The following CD247 variants were observed in gnomAD, a reference collection of about 807,000 sequenced individuals.
CD247 encodes the protein CD247 molecule.
CD247 carries 13 observed loss-of-function variants against 30.0 expected under a neutral mutation model. The ratio of observed to expected loss-of-function variants is 0.43; its 90% CI spans 0.28 to 0.69. The LOEUF (loss-of-function observed/expected upper bound fraction) is 0.69, where lower values mean the gene tolerates loss of function less well. CD247 is among the 30% of genes least tolerant of loss of function. The pLI, the probability that CD247 is intolerant of heterozygous loss-of-function variation, is 0.16. For synonymous variants in CD247, 72 were observed against 80.0 expected (o/e 0.90, Z 0.53); for missense variants, 193 against 212.6 (o/e 0.91, Z 0.57).
intron 1 of CD247, among the ~76,000 whole-genome samples, chr1:167,498,147 T>C (rs1654772050): frequency 6.6e-6 from 1 of 152,212 alleles, no homozygotes; most frequent in African/African-American, 2.4e-5. Context: ...GTGGCTTCTG[T>C]TGCTGCTCCC....
At chr1:167,492,636 C>T (rs704848) in intron 1 of CD247, among the ~76,000 whole-genome samples, 1 of 151,976 alleles carries the variant, frequency 6.6e-6, no homozygotes, top group African/African-American at 2.4e-5. Context: ...CCCAAGCCCC[C>T]ATTAGCCCCA....
chr1:167,440,389 C>T (rs894331916), intron 2 of CD247: 7 of 509,016 alleles, frequency 1.4e-5, no homozygotes, highest in African/African-American at 1.4e-4. Context: ...AGTAGCATCG[C>T]CTTCCCTGGG....
At chr1:167,457,572 A>G (rs1209589944) in intron 1 of CD247, 1 of 152,284 alleles carries the variant, frequency 6.6e-6, no homozygotes, top group Non-Finnish European at 1.5e-5. Context: ...TTGTCTGTCC[A>G]TCTGTTCATG....
intron 1 of CD247, among the ~76,000 whole-genome samples, chr1:167,481,398 T>C (rs1247606986): frequency 2.0e-5 from 3 of 152,204 alleles, no homozygotes; most frequent in Admixed American, 6.5e-5. Flanking sequence ...GTCAAACTTA[T>C]ACCTATATTA....
At chr1:167,514,271 G>A (rs1655508393) in intron 1 of CD247, among the ~76,000 whole-genome samples, 1 of 152,082 alleles carries the variant, frequency 6.6e-6, no homozygotes, top group African/African-American at 2.4e-5. Context: ...CAAGTAGTTG[G>A]GACTACAGGC....
intron 1 of CD247, among the ~76,000 whole-genome samples, chr1:167,492,687 T>C (rs762825200): frequency 6.6e-6 from 1 of 152,148 alleles, no homozygotes; most frequent in Non-Finnish European, 1.5e-5. Flanking sequence ...CTTCTTGAAC[T>C]GACAGTTCAC....
intron 1 of CD247, among the ~76,000 whole-genome samples, chr1:167,463,958 G>A (rs16859072): frequency 0.042 from 6,343 of 152,164 alleles, 233 homozygotes; most frequent in African/African-American, 0.093. Flanking sequence ...CACAGCCCTG[G>A]AAATGGCCTT....
intron 1 of CD247, among the ~76,000 whole-genome samples, chr1:167,506,444 C>A (rs1350148688): frequency 6.6e-6 from 1 of 151,604 alleles, no homozygotes; most frequent in African/African-American, 2.4e-5. Context: ...GCCTCCCAGG[C>A]TCAAGCATTT....
At chr1:167,482,885 G>A (rs1287911726) in intron 1 of CD247, among the ~76,000 whole-genome samples, 1 of 152,030 alleles carries the variant, frequency 6.6e-6, no homozygotes, top group Admixed American at 6.5e-5. Flanking sequence ...ATGTGGGGAG[G>A]GGGAAGGTCT....
chr1:167,495,580 A>G (rs544654238), intron 1 of CD247, among the ~76,000 whole-genome samples: 1 of 152,244 alleles, frequency 6.6e-6, no homozygotes, highest in African/African-American at 2.4e-5. Flanking sequence ...AAAACATATA[A>G]TCATGTATCT....
At chr1:167,502,258 G>A (rs561477231) in intron 1 of CD247, among the ~76,000 whole-genome samples, 3 of 152,342 alleles carry the variant, frequency 2.0e-5, no homozygotes, top group African/African-American at 7.2e-5. Flanking sequence ...ACGGTGTGGT[G>A]CACGGCCATC....
intron 1 of CD247, among the ~76,000 whole-genome samples, chr1:167,451,602 C>T (rs759118013): frequency 2.0e-5 from 3 of 152,216 alleles, no homozygotes; most frequent in Non-Finnish European, 4.4e-5. Context: ...CACTCTTTTG[C>T]TCCTTCCTCA....
chr1:167,484,734 G>A (rs1054929800), intron 1 of CD247, among the ~76,000 whole-genome samples: 1 of 152,176 alleles, frequency 6.6e-6, no homozygotes, highest in Non-Finnish European at 1.5e-5. Context: ...CCGAGATCGC[G>A]CCACCGCAGT....
At chr1:167,463,012 C>T (rs1653091084) in intron 1 of CD247, among the ~76,000 whole-genome samples, 1 of 152,208 alleles carries the variant, frequency 6.6e-6, no homozygotes, top group Admixed American at 6.5e-5. Flanking sequence ...ACCTGGCATC[C>T]CTGGCCCTAA....
chr1:167,473,635 AG>A (rs1279429768), intron 1 of CD247, among the ~76,000 whole-genome samples: 3 of 152,172 alleles, frequency 2.0e-5, no homozygotes, highest in Admixed American at 1.3e-4. Context: ...GCTCTGCCAC[AG>A]GCAAGTCCAC....
At chr1:167,491,823 T>C (rs1213123815) in intron 1 of CD247, among the ~76,000 whole-genome samples, 1 of 152,152 alleles carries the variant, frequency 6.6e-6, no homozygotes, top group Non-Finnish European at 1.5e-5. Flanking sequence ...TGCTACCACA[T>C]GGATGAAAGT....
intron 1 of CD247, among the ~76,000 whole-genome samples, chr1:167,486,808 G>A (rs368274469): frequency 3.9e-5 from 6 of 152,216 alleles, no homozygotes; most frequent in East Asian, 3.9e-4. Flanking sequence ...ATGGTGGCTC[G>A]TGCCTATGTA....
rs146178116 is a variant in CD247 at position 167,490,381 on chromosome 1, T to G, written c.58+28027A>C. Among the ~76,000 whole-genome samples the G allele has an allele frequency of 6.6e-3, 1,012 of 152,302 alleles. 15 individuals are homozygous for G. The highest frequency in any genetic ancestry group is 0.023 in the African/African-American group (955 of 41,562). ...GGCTCACGCCTGTAAGCCCAGCACT[T>G]TGGGAGGCCGAGTTGGGTGGATCAC... On this transcript the variant is annotated intron_variant, in intron 1 of 7. Coordinates refer to ENST00000362089, the MANE Select transcript of CD247 (RefSeq NM_198053.3).
chr1:167,454,007 T>TG, intron 1 of CD247, among the ~76,000 whole-genome samples: 1 of 152,192 alleles, frequency 6.6e-6, no homozygotes, highest in South Asian at 2.1e-4. Flanking sequence ...TACTTGTGTA[T>TG]GAAAAAAACA....
Sources: gnomAD v4.1 joint callset for allele counts (sites outside exome capture counted in the v4.1 genomes callset) on GRCh38, gnomAD v4.1.1 for gene constraint, MANE v1.5 for transcripts, NCBI Gene and HGNC (gene_info 2026-07-23, HGNC 2026-07-21) for gene names.